Variants in COX19 observed in about 807,000 individuals in gnomAD.
The protein encoded by COX19 is cytochrome c oxidase assembly factor COX19.
In COX19, 8 loss-of-function variants were observed where a neutral mutation model predicts 6.8. The ratio of observed to expected loss-of-function variants is 1.18; its 90% CI spans 0.69 to 2.12. COX19 has a LOEUF of 2.12. Among genes scored for constraint, COX19 ranks in the 30% most tolerant of loss-of-function variants. The probability of loss-of-function intolerance (pLI) is 0.00; values close to 1 mark genes in which losing one functional copy is unlikely to be tolerated. For synonymous variants in COX19, 51 were observed against 38.0 expected (o/e 1.34, Z -1.26); for missense variants, 131 against 104.6 (o/e 1.25, Z -1.10).
rs778384802 is a variant in COX19 at position 975,381 on chromosome 7, C to T, written c.82+47G>A. 48 of 1,459,640 alleles carry T rather than the reference C, an allele frequency of 3.3e-5. No homozygotes were observed. The African/African-American group carries it at 6.4e-4, about 20-fold the overall frequency. 90.4% of individuals were successfully genotyped at this position (1,459,640 alleles called of 1,614,324 possible). ...TAGGGCTCCGCGCTGGGCCGCGACC[C>T]AGACCCCCCATCGCAGACCCCTGCC... On this transcript the variant is annotated intron_variant, in intron 1 of 2. Coordinates refer to ENST00000344111, the MANE Select transcript of COX19 (RefSeq NM_001031617.3).
chr7:971,302 G>A (rs1847631935), intron 2 of COX19, among the ~76,000 whole-genome samples: 1 of 152,172 alleles, frequency 6.6e-6, no homozygotes, highest in Non-Finnish European at 1.5e-5. Flanking sequence ...GTCCTCAAGA[G>A]ACAACTTTAA....
intron 1 of COX19, among the ~76,000 whole-genome samples, chr7:973,927 C>T (rs1847668743): frequency 6.6e-6 from 1 of 152,112 alleles, no homozygotes; most frequent in Non-Finnish European, 1.5e-5. Context: ...GATCACACCA[C>T]TGCACTCCAG....
intron 1 of COX19, chr7:974,777 C>G (rs1398302052): frequency 6.6e-6 from 1 of 152,232 alleles, no homozygotes; most frequent in African/African-American, 2.4e-5. Flanking sequence ...CCTGCCTCAG[C>G]CTCCCGAGTA....
At chr7:971,234 G>GA (rs1319612620) in intron 2 of COX19, among the ~76,000 whole-genome samples, 1 of 152,238 alleles carries the variant, frequency 6.6e-6, no homozygotes, top group African/African-American at 2.4e-5. Flanking sequence ...TGAGATCTCA[G>GA]ACCACGGTGG....
intron 1 of COX19, among the ~76,000 whole-genome samples, chr7:973,592 G>A (rs1847664166): frequency 6.6e-6 from 1 of 151,722 alleles, no homozygotes; most frequent in Non-Finnish European, 1.5e-5. Flanking sequence ...GATCGCTTGA[G>A]CAAAGGATTT....
Position 964,876 on chromosome 7 carries a change from T to C in COX19, c.*4502A>G, listed in dbSNP as rs1388023917. Among the ~76,000 whole-genome samples the C allele has an allele frequency of 2.0e-5, 3 of 152,274 alleles. No homozygotes were observed. The highest frequency in any genetic ancestry group is 4.4e-5 in the Non-Finnish European group (3 of 68,048). ...ATTGTCTTTGGGAGCCTTTTAATAA[T>C]GTGGCCAGCTTATCATGACAAGCGT... On this transcript the variant is annotated 3_prime_UTR_variant, in exon 3 of 3. Transcript: ENST00000344111.
rs1263903090 is a variant in COX19, at chr7:969,111, G to A, written c.*267C>T. On this transcript the variant is annotated 3_prime_UTR_variant, in exon 3 of 3. Coordinates refer to ENST00000344111, the MANE Select transcript of COX19 (RefSeq NM_001031617.3). Reference sequence around the variant, plus strand: ...CCCCATACAAGAGGGCCCCGGCCTCGAAGACAAGGGTCTTGCCCCACGCTC... The same window carrying A: ...CCCCATACAAGAGGGCCCCGGCCTCAAAGACAAGGGTCTTGCCCCACGCTC... 1 of 388,014 alleles carries A rather than the reference G, an allele frequency of 2.6e-6. No homozygotes were observed. Among genetic ancestry groups the A allele is most frequent in the African/African-American group, 2.1e-5 (1 of 48,150 alleles). 24.0% of individuals were successfully genotyped at this position (388,014 alleles called of 1,614,324 possible).
At position 969,006 on chromosome 7, in the gene COX19, T is replaced by A. The variant is rs537129627; in HGVS notation, c.*372A>T. Reference sequence around the variant, plus strand: ...AGGGAATGGTAATTTTCTGATGATATCTGTGTTCAGAAGGGACTGAAATTT... The same window carrying A: ...AGGGAATGGTAATTTTCTGATGATAACTGTGTTCAGAAGGGACTGAAATTT... On this transcript the variant is annotated 3_prime_UTR_variant, in exon 3 of 3. Transcript: ENST00000344111. The A allele has an allele frequency of 1.2e-5, 2 of 173,256 alleles. No homozygotes were observed. The highest frequency in any genetic ancestry group is 3.1e-4 in the East Asian group (2 of 6,490). The allele number at this position is 173,256 out of a possible 1,614,324, so 10.7% of individuals were successfully genotyped here.
rs1475627200 is a variant in COX19, at chr7:968,901, C to T, written c.*477G>A. 1.3e-5 allele frequency: 2 copies of T among 151,286 alleles called. No individual in the cohort carries two copies. Among genetic ancestry groups the T allele is most frequent in the African/African-American group, 4.9e-5 (2 of 40,770 alleles). The allele number at this position is 151,286 out of a possible 1,614,324, so 9.4% of individuals were successfully genotyped here. On this transcript the variant is annotated 3_prime_UTR_variant, in exon 3 of 3. Coordinates refer to ENST00000344111, the MANE Select transcript of COX19 (RefSeq NM_001031617.3). ...ATCCAAAGCCAGAAGGTTCTCACTTCCTACTTTGTGTTCCACTTTTTTTTT... is the reference window on the plus strand; with the variant it reads ...ATCCAAAGCCAGAAGGTTCTCACTTTCTACTTTGTGTTCCACTTTTTTTTT...
chr7:970,509 C>T (rs1005742242), intron 2 of COX19, among the ~76,000 whole-genome samples: 5 of 141,886 alleles, frequency 3.5e-5, no homozygotes, highest in Non-Finnish European at 7.5e-5. Flanking sequence ...GCGGCATGAT[C>T]TCGGCTCACT....
rs1847555132 is a variant in COX19, at chr7:966,378, T to A, written c.*3000A>T. The A allele has an allele frequency of 6.6e-6, 1 of 152,236 alleles. No homozygotes were observed. The highest frequency in any genetic ancestry group is 2.1e-4 in the South Asian group (1 of 4,826). The allele number at this position is 152,236 out of a possible 1,614,324, so 9.4% of individuals were successfully genotyped here. A position where few individuals can be genotyped will look rare whatever the true frequency, so the allele number is the denominator to read the frequency against. On this transcript the variant is annotated 3_prime_UTR_variant, in exon 3 of 3. Transcript: ENST00000344111. ...CATGTTGCCCAGGCTGGTCTTGAAC[T>A]CCTAGCCTCAAGTGATCCTCCCACC...
At chr7:974,304 C>T (rs1847674156) in intron 1 of COX19, among the ~76,000 whole-genome samples, 1 of 151,194 alleles carries the variant, frequency 6.6e-6, no homozygotes, top group Non-Finnish European at 1.5e-5. Context: ...CACCTATAGT[C>T]CCAGCTACTC....
chr7:975,222 C>CG, intron 1 of COX19: 1 of 431,368 alleles, frequency 2.3e-6, no homozygotes. Flanking sequence ...GCCCTCGTCA[C>CG]GGGGGCCACG....
At chr7:971,300 G>A (rs893160856) in intron 2 of COX19, among the ~76,000 whole-genome samples, 1 of 152,322 alleles carries the variant, frequency 6.6e-6, no homozygotes, top group East Asian at 1.9e-4. Context: ...AAGTCCTCAA[G>A]AGACAACTTT....
chr7:969,105 G>A lies in COX19; in HGVS notation c.*273C>T, dbSNP rs548956527. 3.6e-4 allele frequency: 137 copies of A among 376,702 alleles called. 1 individual carries two copies. Among genetic ancestry groups the A allele is most frequent in the Non-Finnish European group, 5.9e-4 (122 of 208,316 alleles). 23.3% of individuals were successfully genotyped at this position (376,702 alleles called of 1,614,324 possible). A position where few individuals can be genotyped will look rare whatever the true frequency, so the allele number is the denominator to read the frequency against. On this transcript the variant is annotated 3_prime_UTR_variant, in exon 3 of 3. Coordinates refer to ENST00000344111, the MANE Select transcript of COX19 (RefSeq NM_001031617.3). Reference sequence around the variant, plus strand: ...AAACCGCCCCATACAAGAGGGCCCCGGCCTCGAAGACAAGGGTCTTGCCCC... The same window carrying A: ...AAACCGCCCCATACAAGAGGGCCCCAGCCTCGAAGACAAGGGTCTTGCCCC...
At chr7:974,269 A>T (rs1471824034) in intron 1 of COX19, among the ~76,000 whole-genome samples, 1 of 147,350 alleles carries the variant, frequency 6.8e-6, no homozygotes, top group Non-Finnish European at 1.5e-5. Context: ...AAAAAAAAAA[A>T]AAATTAGCTG....
At position 965,811 on chromosome 7, in the gene COX19, G is replaced by A. The variant is rs571205791; in HGVS notation, c.*3567C>T. ...ACGCCACCAGCCCCAGCTAATTTTT[G>A]TATTTTTAGTAGAGACAGGGTTTCT... On this transcript the variant is annotated 3_prime_UTR_variant, in exon 3 of 3. Coordinates refer to ENST00000344111, the MANE Select transcript of COX19 (RefSeq NM_001031617.3). 1.2e-4 allele frequency among the ~76,000 whole-genome samples: 19 copies of A among 152,200 alleles called. No individual in the cohort carries two copies. The highest frequency in any genetic ancestry group is 2.2e-4 in the Non-Finnish European group (15 of 68,036).
rs149293639 is a variant in COX19, at chr7:975,493, T to C, written c.17A>G (p.Asn6Ser). The change falls in exon 1 of 3, where the codon AAT becomes AGT. Residue 6 changes from asparagine (N) to serine (S), a missense_variant. Coordinates refer to ENST00000344111, the MANE Select transcript of COX19 (RefSeq NM_001031617.3). ...CGGCTGGAAGCTCTTGGTCCCGAAA[T>C]TCATGGCGGTCGACATGTTGGCGAC... MSTAM[N>S]FGTKSFQPRP... 502 of 1,603,160 alleles carry C rather than the reference T, an allele frequency of 3.1e-4. No homozygotes were observed. Among genetic ancestry groups the C allele is most frequent in the Non-Finnish European group, 4.1e-4 (483 of 1,176,268 alleles).
intron 1 of COX19, chr7:974,839 G>A (rs1032472187): frequency 6.6e-6 from 1 of 152,336 alleles, no homozygotes; most frequent in Non-Finnish European, 1.5e-5. Context: ...TGTATTTTTA[G>A]TAGAGACGGG....
Sources: gnomAD v4.1 joint callset for allele counts (sites outside exome capture counted in the v4.1 genomes callset) on GRCh38, gnomAD v4.1.1 for gene constraint, MANE v1.5 for transcripts, NCBI Gene and HGNC (gene_info 2026-07-23, HGNC 2026-07-21) for gene names.